GDF6: variants seen among roughly 807,000 people sequenced by gnomAD.
GDF6 encodes growth/differentiation factor 6.
A neutral mutation model predicts 32.4 loss-of-function variants in GDF6; 3 were observed. That is an observed-to-expected ratio of 0.09 (90% CI 0.04 to 0.24). GDF6 has a LOEUF of 0.24. GDF6 is among the 10% of genes least tolerant of loss of function. GDF6 has a pLI of 1.00. For synonymous variants in GDF6, 296 were observed against 295.3 expected, an observed-to-expected ratio of 1.00 and a Z score of -0.03; for missense variants, 589 against 637.9, an observed-to-expected ratio of 0.92 and a Z score of 0.83.
chr8:96,147,506 C>G (rs1214349782), intron 1 of GDF6, among the ~76,000 whole-genome samples: 1 of 152,230 alleles, frequency 6.6e-6, no homozygotes, highest in East Asian at 1.9e-4. Context: ...ACTTGCTGCA[C>G]TAGCTAAATG....
intron 1 of GDF6, among the ~76,000 whole-genome samples, chr8:96,147,767 A>G (rs1292519080): frequency 1.3e-5 from 2 of 152,236 alleles, no homozygotes; most frequent in Non-Finnish European, 2.9e-5. Context: ...TGGAGTCTAA[A>G]AGTAACCAGA....
At chr8:96,150,639 C>T (rs1469542558) in intron 1 of GDF6, among the ~76,000 whole-genome samples, 1 of 152,236 alleles carries the variant, frequency 6.6e-6, no homozygotes, top group Admixed American at 6.5e-5. Flanking sequence ...TAGCAAGGGA[C>T]AGATGTTGAA....
rs572626359 is a variant in GDF6 at position 96,153,047 on chromosome 8, A to T, written c.406+7240T>A. On this transcript the variant is annotated intron_variant, in intron 1 of 1. Coordinates refer to ENST00000287020, the MANE Select transcript of GDF6 (RefSeq NM_001001557.4). Reference sequence around the variant, plus strand: ...AACTGAAAACAGCTTCGCACCCCTCACCTCGGGGCCTCAGCACCGCCTTTA... The same window carrying T: ...AACTGAAAACAGCTTCGCACCCCTCTCCTCGGGGCCTCAGCACCGCCTTTA... Among the ~76,000 whole-genome samples the T allele has an allele frequency of 2.0e-5, 3 of 152,180 alleles. No individual in the cohort carries two copies. The East Asian group carries it at 5.8e-4, about 30-fold the overall frequency.
chr8:96,152,435 T>C (rs1254857289), intron 1 of GDF6, among the ~76,000 whole-genome samples: 1 of 152,286 alleles, frequency 6.6e-6, no homozygotes, highest in Admixed American at 6.5e-5. Context: ...GGCCTAAGGA[T>C]TCGTTTCTTT....
At chr8:96,149,505 C>T (rs1331333434) in intron 1 of GDF6, among the ~76,000 whole-genome samples, 3 of 152,116 alleles carry the variant, frequency 2.0e-5, no homozygotes. Flanking sequence ...TTAGAAGATA[C>T]TCCTTCATAA....
intron 1 of GDF6, among the ~76,000 whole-genome samples, chr8:96,152,432 G>A (rs1812584403): frequency 6.6e-6 from 1 of 152,214 alleles, no homozygotes; most frequent in South Asian, 2.1e-4. Flanking sequence ...AGAGGCCTAA[G>A]GATTCGTTTC....
Position 96,144,654 on chromosome 8 carries a change from G to T in GDF6, c.1277C>A (p.Thr426Asn). Residue 426 changes from threonine (T) to asparagine (N), a missense_variant, in exon 2 of 2, where the codon ACT (threonine) becomes AAT (asparagine). Thr to Asn is a moderately conservative substitution (Grantham distance 65, BLOSUM62 0). Coordinates refer to ENST00000287020, the MANE Select transcript of GDF6 (RefSeq NM_001001557.4). This position sits in a 1 kb window ranked among gnomAD's most constrained non-coding sequence, Gnocchi z 5.1. ...GTCGATGTATAGAATGCTGATGGGA[G>T]TCAATTTGGTGGGCACGCAGCAGCT... Reference protein sequence around the residue: ...PPSCCVPTKLTPISILYIDAG... With the variant: ...PPSCCVPTKLNPISILYIDAG... 6.2e-7 allele frequency: 1 copy of T among 1,614,136 alleles called. No individual in the cohort carries two copies. The highest frequency in any genetic ancestry group is 8.5e-7 in the Non-Finnish European group (1 of 1,180,012).
At chr8:96,160,107 G>C (rs1187190058) in intron 1 of GDF6, among the ~76,000 whole-genome samples, 180 bp downstream of exon 1, 1 of 152,238 alleles carries the variant, frequency 6.6e-6, no homozygotes, top group Non-Finnish European at 1.5e-5. Context: ...TTAGAGACTG[G>C]AATAGAATCC....
At chr8:96,153,202 C>T (rs943699854) in intron 1 of GDF6, among the ~76,000 whole-genome samples, 2 of 152,226 alleles carry the variant, frequency 1.3e-5, no homozygotes, top group African/African-American at 4.8e-5. Flanking sequence ...CCTTTTGTCT[C>T]TAGAGGATGA....
intron 1 of GDF6, among the ~76,000 whole-genome samples, chr8:96,157,081 C>T (rs541627265): frequency 4.6e-5 from 7 of 152,238 alleles, no homozygotes; most frequent in South Asian, 2.1e-4. Context: ...GATAACTAAG[C>T]GAGATAATTC....
intron 1 of GDF6, among the ~76,000 whole-genome samples, chr8:96,155,323 T>G (rs1812643663): frequency 6.6e-6 from 1 of 152,262 alleles, no homozygotes; most frequent in South Asian, 2.1e-4. Context: ...AGAATCTTCT[T>G]GCTTTTCCCT....
At chr8:96,152,874 T>C (rs1812591625) in intron 1 of GDF6, among the ~76,000 whole-genome samples, 1 of 152,124 alleles carries the variant, frequency 6.6e-6, no homozygotes, top group African/African-American at 2.4e-5. Context: ...GCCTGGGCCT[T>C]GTAGACTCCA....
In GDF6 at chr8:96,160,350, C is replaced by A. The variant is rs1812738767; in HGVS notation, c.343G>T (p.Ala115Ser). 6.2e-7 allele frequency: 1 copy of A among 1,614,058 alleles called. No individual in the cohort carries two copies. The highest frequency in any genetic ancestry group is 8.5e-7 in the Non-Finnish European group (1 of 1,180,022). The change falls in exon 1 of 2, where the codon GCC becomes TCC. Residue 115 changes from alanine (A) to serine (S), a missense_variant. Physicochemically the swap from Ala to Ser is moderately conservative, Grantham distance 99. Transcript: ENST00000287020. ...GACTTGGAAGACTGGAAAAAGCTGG[C>A]ATTGATGCCCAGCTTCTCAGCGATG... is the stretch of plus-strand genomic sequence containing the variant. ...YSIAEKLGIN[A>S]SFFQSSKSAN...
chr8:96,143,717 C>T lies in GDF6; in HGVS notation c.*846G>A, dbSNP rs1240655662. 6.5e-6 allele frequency: 1 copy of T among 152,706 alleles called. No individual in the cohort carries two copies. The highest frequency in any genetic ancestry group is 1.5e-5 in the Non-Finnish European group (1 of 68,104). The allele number at this position is 152,706 out of a possible 1,614,324, so 9.5% of individuals were successfully genotyped here. The stretch of plus-strand genomic sequence containing the variant: ...GCAGGCCTTGTGGTTTCTCATTATC[C>T]TTCAAGGGGTTCCATTTGGACTAAT... On this transcript the variant is annotated 3_prime_UTR_variant, in exon 2 of 2. Transcript: ENST00000287020.
At position 96,144,457 on chromosome 8, in the gene GDF6, T is replaced by A. The variant is rs1328888318; in HGVS notation, c.*106A>T. The A allele has an allele frequency of 6.4e-6, 9 of 1,396,852 alleles. No individual in the cohort carries two copies. The highest frequency in any genetic ancestry group is 2.8e-5 in the African/African-American group (2 of 70,282). The allele number at this position is 1,396,852 out of a possible 1,614,324, so 86.5% of individuals were successfully genotyped here. A position where few individuals can be genotyped will look rare whatever the true frequency, so the allele number is the denominator to read the frequency against. On this transcript the variant is annotated 3_prime_UTR_variant, in exon 2 of 2. Transcript: ENST00000287020. This position sits in a 1 kb window ranked among gnomAD's most constrained non-coding sequence, Gnocchi z 5.1. ...CCAGGCTGTTCCCTCACCCTCAGCCTCCCCCAGCGCCAGCTTCCTCCTCCG... is the reference window on the plus strand; with the variant it reads ...CCAGGCTGTTCCCTCACCCTCAGCCACCCCCAGCGCCAGCTTCCTCCTCCG...
chr8:96,144,566 C>A lies in GDF6; in HGVS notation c.1365G>T (p.Arg455Ser), dbSNP rs773136192. Residue 455 changes from arginine (R) to serine (S), a missense_variant, in exon 2 of 2, where the codon AGG (arginine) becomes AGT (serine). Physicochemically the swap from Arg to Ser is moderately radical, Grantham distance 110. Transcript: ENST00000287020. The surrounding 1 kb of genome is among the most constrained non-coding windows in gnomAD (Gnocchi z 5.1). ...CAAGGCGGCGGGAAAGGCACCGCTACCTGCAGCCGCACGACTCCACCACCA... is the reference window on the plus strand; with the variant it reads ...CAAGGCGGCGGGAAAGGCACCGCTAACTGCAGCCGCACGACTCCACCACCA... Reference protein sequence around the residue: ...EDMVVESCGCR With the variant: ...EDMVVESCGCS 6.2e-7 allele frequency: 1 copy of A among 1,613,728 alleles called. No individual in the cohort carries two copies. Among genetic ancestry groups the A allele is most frequent in the Admixed American group, 1.7e-5 (1 of 59,976 alleles).
At chr8:96,146,705 C>CAGAGAGAGAGAGAGAG (rs555323322) in intron 1 of GDF6, among the ~76,000 whole-genome samples, 19 of 138,456 alleles carry the variant, frequency 1.4e-4, no homozygotes, top group African/African-American at 5.6e-4. Flanking sequence ...CACACACACA[C>CAGAGAGAGAGAGAGAG]ACAGAGAGAG....
rs1199396087 is a variant in GDF6, at chr8:96,145,256, G to A, written c.675C>T (p.Pro225=). Residue 225 remains proline, a synonymous_variant, in exon 2 of 2, where the codon CCC becomes CCT. Coordinates refer to ENST00000287020, the MANE Select transcript of GDF6 (RefSeq NM_001001557.4). This position sits in a 1 kb window ranked among gnomAD's most constrained non-coding sequence, Gnocchi z 5.6. ...GCAGCTCCAAGCACAGCTGCTTCCAGGGCTGGTGGCGCAGGCCCTGCCACA... is the reference window on the plus strand; with the variant it reads ...GCAGCTCCAAGCACAGCTGCTTCCAAGGCTGGTGGCGCAGGCCCTGCCACA... The part of the protein sequence containing the change: ...FDVWQGLRHQ[P]WKQLCLELRA... 2.0e-6 allele frequency: 3 copies of A among 1,526,568 alleles called. No homozygotes were observed. In the Admixed American group the frequency reaches 6.0e-5, roughly 30 times the overall value. The allele number at this position is 1,526,568 out of a possible 1,614,324, so 94.6% of individuals were successfully genotyped here.
At chr8:96,158,900 C>A (rs1812714324) in intron 1 of GDF6, among the ~76,000 whole-genome samples, 1 of 151,918 alleles carries the variant, frequency 6.6e-6, no homozygotes, top group Non-Finnish European at 1.5e-5. Flanking sequence ...ATGAACCTCG[C>A]TGACCTCGGG....
Sources: allele counts gnomAD v4.1 joint callset (sites outside exome capture counted in the v4.1 genomes callset), GRCh38; gene constraint gnomAD v4.1.1; non-coding constraint Gnocchi (gnomAD v3.1); transcripts MANE v1.5; gene names NCBI Gene and HGNC (gene_info 2026-07-23, HGNC 2026-07-21).